Variants in FOXP1 observed in about 807,000 individuals in gnomAD.
FOXP1 encodes the protein forkhead box P1.
A neutral mutation model predicts 98.2 loss-of-function variants in FOXP1; 15 were observed. The observed-to-expected ratio is 0.15, with a 90% CI of 0.10 to 0.24. FOXP1 has a LOEUF of 0.24. FOXP1 is among the 10% of genes least tolerant of loss of function. The pLI is 1.00. For missense variants in FOXP1, 633 were observed against 848.5 expected (o/e 0.75, Z 3.15); for synonymous variants, 371 against 314.5 (o/e 1.18, Z -1.90).
intron 7 of FOXP1, among the ~76,000 whole-genome samples, chr3:71,069,027 A>G (rs887651266): frequency 2.6e-5 from 4 of 152,184 alleles, no homozygotes; most frequent in Non-Finnish European, 5.9e-5. Context: ...ATCTACAGGG[A>G]GCTAAGGCAG....
intron 11 of FOXP1, among the ~76,000 whole-genome samples, chr3:71,034,099 G>A (rs931243123): frequency 1.3e-5 from 2 of 152,116 alleles, no homozygotes; most frequent in Admixed American, 6.6e-5. Flanking sequence ...TCCACTGTGC[G>A]TCACTGGTTT....
chr3:71,046,043 T>C (rs2048992794), intron 10 of FOXP1, among the ~76,000 whole-genome samples: 1 of 152,142 alleles, frequency 6.6e-6, no homozygotes, highest in African/African-American at 2.4e-5. Flanking sequence ...AACACAGGCA[T>C]GGCACTTTCT....
At chr3:71,553,500 T>G (rs1232150175) in intron 2 of FOXP1, among the ~76,000 whole-genome samples, 4 of 152,194 alleles carry the variant, frequency 2.6e-5, no homozygotes, top group Non-Finnish European at 5.9e-5. Flanking sequence ...GTTCACTTTT[T>G]GAGCTCACAT....
chr3:71,337,707 G>T (rs922957724), intron 4 of FOXP1, among the ~76,000 whole-genome samples: 3 of 152,216 alleles, frequency 2.0e-5, no homozygotes, highest in Admixed American at 2.0e-4. Context: ...ACTTCCAGTT[G>T]CTGGTACATG....
intron 6 of FOXP1, among the ~76,000 whole-genome samples, chr3:71,144,647 G>A (rs1301835829): frequency 6.6e-6 from 1 of 152,214 alleles, no homozygotes; most frequent in African/African-American, 2.4e-5. Flanking sequence ...GGAACTGGAT[G>A]AATCACAAGA....
chr3:71,036,284 G>A (rs972383521), intron 11 of FOXP1, among the ~76,000 whole-genome samples: 1 of 152,182 alleles, frequency 6.6e-6, no homozygotes, highest in South Asian at 2.1e-4. Flanking sequence ...AAGGACTATC[G>A]TGACTGAAGA....
intron 4 of FOXP1, chr3:71,332,819 C>T (rs1560322148): frequency 6.6e-6 from 1 of 152,166 alleles, no homozygotes; most frequent in Admixed American, 6.5e-5. Context: ...TAAGACTAGC[C>T]TCAAGTCCTA....
intron 3 of FOXP1, among the ~76,000 whole-genome samples, chr3:71,461,757 G>A (rs900481065): frequency 1.7e-4 from 26 of 150,934 alleles, no homozygotes; most frequent in South Asian, 6.3e-4. Flanking sequence ...CCAAGATCGC[G>A]CCACTGCACT....
intron 20 of FOXP1, among the ~76,000 whole-genome samples, chr3:70,965,129 A>G (rs1209813358): frequency 1.3e-5 from 2 of 152,178 alleles, no homozygotes; most frequent in African/African-American, 4.8e-5. Context: ...TGCAAAGCCA[A>G]TCATTTGGAA....
chr3:71,190,638 C>CAA (rs55747148), intron 6 of FOXP1, among the ~76,000 whole-genome samples: 3,619 of 42,904 alleles, frequency 0.084, 111 homozygotes, highest in African/African-American at 0.12. Context: ...ACCCCATCTC[C>CAA]AAAAAAAAAA....
intron 4 of FOXP1, among the ~76,000 whole-genome samples, chr3:71,313,138 C>T (rs983101125): frequency 4.8e-5 from 7 of 146,828 alleles, no homozygotes; most frequent in African/African-American, 7.6e-5. Context: ...CGGCTCACTG[C>T]AAGCTCCGCC....
In FOXP1 at chr3:71,368,368, C is replaced by A. The variant is rs148073106; in HGVS notation, c.-167-9124G>T. Among the ~76,000 whole-genome samples, 67 of 152,262 alleles carry A rather than the reference C, an allele frequency of 4.4e-4. 1 individual carries two copies. In the East Asian group the frequency reaches 0.012, roughly 27 times the overall value. On this transcript the variant is annotated intron_variant, in intron 3 of 20. Transcript: ENST00000649528. ...CTCGAACTTCCTGACCTCAAGTGAT[C>A]CGCCTGCTTTGGCCTCCCAAAGTGC...
intron 4 of FOXP1, among the ~76,000 whole-genome samples, chr3:71,353,599 A>C (rs2077944019): frequency 6.6e-6 from 1 of 152,118 alleles, no homozygotes. Flanking sequence ...ATGTCCTTTT[A>C]TTGTTAAGTT....
chr3:71,191,528 C>G (rs1052435996), intron 6 of FOXP1, among the ~76,000 whole-genome samples: 1 of 152,184 alleles, frequency 6.6e-6, no homozygotes, highest in African/African-American at 2.4e-5. Flanking sequence ...TCTTTTGCTT[C>G]TTGTGCCATT....
chr3:71,236,514 T>C (rs1241554946), intron 5 of FOXP1, among the ~76,000 whole-genome samples: 1 of 152,186 alleles, frequency 6.6e-6, no homozygotes, highest in African/African-American at 2.4e-5. Context: ...CACAGGCATA[T>C]AATGAGAGCC....
intron 6 of FOXP1, among the ~76,000 whole-genome samples, chr3:71,172,692 GTGT>G (rs1357214831): frequency 6.6e-6 from 1 of 152,168 alleles, no homozygotes; most frequent in East Asian, 1.9e-4. Context: ...GATTGGTCCT[GTGT>G]TCAAAATGAG....
chr3:71,494,301 T>A (rs2091262713), intron 2 of FOXP1, among the ~76,000 whole-genome samples: 1 of 152,212 alleles, frequency 6.6e-6, no homozygotes, highest in Admixed American at 6.5e-5. Context: ...CCTCTAAGCT[T>A]CTGTCTTTTT....
chr3:71,169,801 AT>A (rs2061561156), intron 6 of FOXP1, among the ~76,000 whole-genome samples: 2 of 150,924 alleles, frequency 1.3e-5, no homozygotes, highest in African/African-American at 4.9e-5. Context: ...AAAAAAAAAG[AT>A]TTTTTGCTCA....
At chr3:70,988,205 T>C in intron 13 of FOXP1, 128 bp from the exon 14 acceptor site, 2 of 923,744 alleles carry the variant, frequency 2.2e-6, no homozygotes, top group Non-Finnish European at 1.8e-6. Context: ...TCATTGCTTG[T>C]TTTTGAAATC....
Sources: gnomAD v4.1 joint callset for allele counts (sites outside exome capture counted in the v4.1 genomes callset) on GRCh38, gnomAD v4.1.1 for gene constraint, MANE v1.5 for transcripts, NCBI Gene and HGNC (gene_info 2026-07-23, HGNC 2026-07-21) for gene names.